The following NTRK3 variants were observed in gnomAD, a reference collection of about 807,000 sequenced individuals.
NTRK3 encodes the protein neurotrophic receptor tyrosine kinase 3.
Under a neutral mutation model 91.7 loss-of-function variants are expected in NTRK3, and 24 were observed. That is an observed-to-expected ratio of 0.26 (90% CI 0.19 to 0.37). The LOEUF is 0.37. Ranked by LOEUF, NTRK3 falls within the 10% of genes least tolerant of loss-of-function variation. NTRK3 has a pLI of 1.00. For missense variants in NTRK3, 880 were observed against 1,068.9 expected (o/e 0.82, Z 2.46); for synonymous variants, 483 against 404.0 (o/e 1.20, Z -2.34).
exon 19 of NTRK3, chr15:87,864,678 A>G (rs1338044749): frequency 2.2e-5 from 5 of 230,042 alleles, no homozygotes; most frequent in Non-Finnish European, 2.6e-5. Context: ...TATTTTTTAG[A>G]GCATTCTCCA....
intron 17 of NTRK3, among the ~76,000 whole-genome samples, chr15:87,907,355 A>G (rs554161786): frequency 2.6e-5 from 4 of 152,112 alleles, no homozygotes; most frequent in Non-Finnish European, 4.4e-5. Flanking sequence ...AAAATCTTAA[A>G]CTTTCATGCT....
exon 19 of NTRK3, chr15:87,873,390 AG>A (rs1457058605): frequency 4.4e-6 from 1 of 229,844 alleles, no homozygotes; most frequent in African/African-American, 2.2e-5. Flanking sequence ...TCACATCCAA[AG>A]AAAGAAGAAT....
Position 87,915,543 on chromosome 15 carries a change from C to T in NTRK3, c.2133+13648G>A, listed in dbSNP as rs150026683. ...TCCTCCTGGGCTTCCAACAGATCAA[C>T]TCAAATGTCTAAACCAGTCCTGGAG... On this transcript the variant is annotated intron_variant, in intron 17 of 18. Coordinates refer to ENST00000394480, the Ensembl canonical transcript of NTRK3. 1.2e-3 allele frequency among the ~76,000 whole-genome samples: 179 copies of T among 152,354 alleles called. 1 individual carries two copies. The highest frequency in any genetic ancestry group is 4.2e-3 in the African/African-American group (173 of 41,590).
chr15:87,915,139 C>T (rs2067360942), intron 17 of NTRK3, among the ~76,000 whole-genome samples: 1 of 151,992 alleles, frequency 6.6e-6, no homozygotes, highest in Admixed American at 6.6e-5. Flanking sequence ...AAACCACCAG[C>T]ACTCAAACCA....
intron 13 of NTRK3, among the ~76,000 whole-genome samples, chr15:88,095,450 G>T (rs1043561674): frequency 2.0e-5 from 3 of 152,200 alleles, no homozygotes; most frequent in African/African-American, 7.2e-5. Flanking sequence ...CACTTACAGG[G>T]TGTCAATGTT....
chr15:88,073,688 T>C (rs949014624), intron 13 of NTRK3, among the ~76,000 whole-genome samples: 1 of 152,154 alleles, frequency 6.6e-6, no homozygotes, highest in Non-Finnish European at 1.5e-5. Context: ...GTTGAACTTG[T>C]TATCTTTGCC....
At chr15:87,919,985 C>G (rs999982115) in intron 17 of NTRK3, among the ~76,000 whole-genome samples, 2 of 152,142 alleles carry the variant, frequency 1.3e-5, no homozygotes, top group Admixed American at 6.5e-5. Flanking sequence ...CTTATTATTA[C>G]ACACAGAACT....
At chr15:88,165,826 T>A (rs17830422) in intron 5 of NTRK3, among the ~76,000 whole-genome samples, 1 of 152,272 alleles carries the variant, frequency 6.6e-6, no homozygotes, top group South Asian at 2.1e-4. Context: ...ATCCACACCC[T>A]TGTCATGACA....
At chr15:88,254,166 C>T (rs115268907) in intron 3 of NTRK3, among the ~76,000 whole-genome samples, 1 of 152,132 alleles carries the variant, frequency 6.6e-6, no homozygotes, top group East Asian at 1.9e-4. Flanking sequence ...ACTGGCTGCT[C>T]AGCTCCCACC....
rs188785970 is a variant in NTRK3 at position 87,862,779 on chromosome 15, G to A, written c.*14156C>T. ...TTGCATTCTTATTGTGATTGTTTAAGGCAAAAACAGCTGTTAAAGAGCACT... is the reference window on the plus strand; with the variant it reads ...TTGCATTCTTATTGTGATTGTTTAAAGCAAAAACAGCTGTTAAAGAGCACT... On this transcript the variant is annotated 3_prime_UTR_variant, in exon 19 of 19. Transcript: ENST00000394480. The A allele has an allele frequency of 3.0e-4, 68 of 229,486 alleles. No individual in the cohort carries two copies. In the East Asian group the frequency reaches 3.2e-3, roughly 11 times the overall value. 14.2% of individuals were successfully genotyped at this position (229,486 alleles called of 1,614,324 possible). A position where few individuals can be genotyped will look rare whatever the true frequency, so the allele number is the denominator to read the frequency against.
At chr15:87,982,807 T>C (rs916368534) in intron 14 of NTRK3, among the ~76,000 whole-genome samples, 2 of 152,316 alleles carry the variant, frequency 1.3e-5, no homozygotes, top group African/African-American at 2.4e-5. Flanking sequence ...CATTCAAATC[T>C]GTTTTTCTGA....
At chr15:88,149,742 T>C (rs2043203503) in intron 5 of NTRK3, among the ~76,000 whole-genome samples, 1 of 152,152 alleles carries the variant, frequency 6.6e-6, no homozygotes, top group African/African-American at 2.4e-5. Flanking sequence ...TCCCACTGAG[T>C]CACTAACCAC....
intron 5 of NTRK3, among the ~76,000 whole-genome samples, chr15:88,182,870 T>C (rs2046610437): frequency 6.6e-6 from 1 of 152,126 alleles, no homozygotes; most frequent in Non-Finnish European, 1.5e-5. Context: ...CCCCCACCCA[T>C]AACCACCTGA....
At chr15:87,978,132 CA>C (rs1028545370) in intron 14 of NTRK3, 1 of 230,674 alleles carries the variant, frequency 4.3e-6, no homozygotes, top group African/African-American at 2.2e-5. Flanking sequence ...GGGAGAGTTT[CA>C]GGCCCTACAA....
chr15:87,880,518 T>C, intron 17 of NTRK3, 90 bp from the exon 19 acceptor site: 1 of 1,341,362 alleles, frequency 7.5e-7, no homozygotes, highest in Non-Finnish European at 1.0e-6. Flanking sequence ...AGATGCACTC[T>C]TGATGCATCC....
At chr15:88,051,320 C>G (rs2080800951) in intron 13 of NTRK3, among the ~76,000 whole-genome samples, 1 of 152,240 alleles carries the variant, frequency 6.6e-6, no homozygotes, top group African/African-American at 2.4e-5. Context: ...ACTCCACCCA[C>G]TCACAGTTAT....
chr15:88,072,257 G>A (rs2047156252), intron 13 of NTRK3, among the ~76,000 whole-genome samples: 1 of 152,030 alleles, frequency 6.6e-6, no homozygotes, highest in Non-Finnish European at 1.5e-5. Flanking sequence ...GACTGCCTCA[G>A]CCTCCCAAAG....
At position 88,255,992 on chromosome 15, in the gene NTRK3, G is replaced by A. The variant is rs1249920687; in HGVS notation, c.162C>T (p.Phe54=). ...CTGAATCCTGCCCTTCCAGGAGGGG[G>A]AAGAGGTTCCCATCGTCCGGCCGCC... The change falls in exon 3 of 19, where the codon TTC becomes TTT. Residue 54 remains phenylalanine, a synonymous_variant. Transcript: ENST00000394480. This position sits in a 1 kb window ranked among gnomAD's most constrained non-coding sequence, Gnocchi z 4.3. 3.1e-6 allele frequency: 5 copies of A among 1,613,702 alleles called. No individual in the cohort carries two copies. Among genetic ancestry groups the A allele is most frequent in the Non-Finnish European group, 4.2e-6 (5 of 1,179,842 alleles).
chr15:88,063,468 C>T (rs1597084918), intron 13 of NTRK3, among the ~76,000 whole-genome samples: 1 of 152,318 alleles, frequency 6.6e-6, no homozygotes, highest in Admixed American at 6.5e-5. Flanking sequence ...TCTCAGGAGG[C>T]CTTTGTGGAC....
Sources: allele counts gnomAD v4.1 joint callset (sites outside exome capture counted in the v4.1 genomes callset), GRCh38; gene constraint gnomAD v4.1.1; non-coding constraint Gnocchi (gnomAD v3.1); transcripts MANE v1.5; gene names NCBI Gene and HGNC (gene_info 2026-07-23, HGNC 2026-07-21).